Variants in SREBF2 observed in about 807,000 individuals in gnomAD.
The protein encoded by SREBF2 is sterol regulatory element-binding protein 2.
A neutral mutation model predicts 113.1 loss-of-function variants in SREBF2; 55 were observed. The observed-to-expected ratio is 0.49, with a 90% CI of 0.39 to 0.61. The LOEUF is 0.61. Among genes scored for constraint, SREBF2 ranks in the 20% least tolerant of loss-of-function variants. The pLI is 0.00. For missense variants in SREBF2, 1,349 were observed against 1,487.4 expected, an observed-to-expected ratio of 0.91 and a Z score of 1.53; for synonymous variants, 593 against 605.7, an observed-to-expected ratio of 0.98 and a Z score of 0.31.
At chr22:41,874,722 A>G (rs2077177843) in intron 5 of SREBF2, among the ~76,000 whole-genome samples, 1 of 152,196 alleles carries the variant, frequency 6.6e-6, no homozygotes, top group Non-Finnish European at 1.5e-5. Flanking sequence ...CCTGGCCAAC[A>G]TGGTGAAACC....
At position 41,833,476 on chromosome 22, in the gene SREBF2, C is replaced by T. The variant is rs549827330; in HGVS notation, c.88+118C>T. On this transcript the variant is annotated intron_variant, in intron 1 of 18. Transcript: ENST00000361204. This position sits in a 1 kb window ranked among gnomAD's most constrained non-coding sequence, Gnocchi z 4.1. ...GCCCCGGTTCGCGCGGGAAGAACCCCGTGCGCACGGTGCCCCCGGCGGTCC... is the reference window on the plus strand; with the variant it reads ...GCCCCGGTTCGCGCGGGAAGAACCCTGTGCGCACGGTGCCCCCGGCGGTCC... 7 of 844,358 alleles carry T rather than the reference C, an allele frequency of 8.3e-6. No homozygotes were observed. In the East Asian group the frequency reaches 9.5e-5, roughly 11 times the overall value. The allele number at this position is 844,358 out of a possible 1,614,324, so 52.3% of individuals were successfully genotyped here.
chr22:41,852,086 A>C (rs556833081), intron 1 of SREBF2, among the ~76,000 whole-genome samples: 1 of 151,968 alleles, frequency 6.6e-6, no homozygotes, highest in Non-Finnish European at 1.5e-5. Flanking sequence ...GTGCCACTGC[A>C]CTCCAGCCTG....
At chr22:41,837,720 T>C (rs2076791129) in intron 1 of SREBF2, among the ~76,000 whole-genome samples, 2 of 150,824 alleles carry the variant, frequency 1.3e-5, no homozygotes, top group Admixed American at 1.3e-4. Flanking sequence ...TAGCCGGGCG[T>C]CGTGGCACAT....
intron 11 of SREBF2, chr22:41,885,652 TCA>T: frequency 2.5e-5 from 4 of 161,368 alleles, no homozygotes; most frequent in South Asian, 1.7e-4. Context: ...GTCCTTGTTA[TCA>T]GCTAGCTCAC....
rs1222927998 is a variant in SREBF2 at position 41,878,780 on chromosome 22, C to T, written c.1761+657C>T. Reference sequence around the variant, plus strand: ...AGCAGTGAGCCATGGGCCTGCCCTCCCCACCTCTGCAAGCTGCAGGGCCAT... The same window carrying T: ...AGCAGTGAGCCATGGGCCTGCCCTCTCCACCTCTGCAAGCTGCAGGGCCAT... On this transcript the variant is annotated intron_variant, in intron 9 of 18. Transcript: ENST00000361204. The T allele has an allele frequency of 3.1e-6, 4 of 1,284,132 alleles. No homozygotes were observed. In the East Asian group the frequency reaches 2.2e-4, roughly 72 times the overall value. 79.5% of individuals were successfully genotyped at this position (1,284,132 alleles called of 1,614,324 possible).
rs948553145 is a variant in SREBF2 at position 41,893,364 on chromosome 22, C to G, written c.2377+79C>G. 16 of 1,452,256 alleles carry G rather than the reference C, an allele frequency of 1.1e-5. No individual in the cohort carries two copies. The African/African-American group carries it at 2.2e-4, about 20-fold the overall frequency. The allele number at this position is 1,452,256 out of a possible 1,614,324, so 90.0% of individuals were successfully genotyped here. ...TACTACAGAGTCACTGCACCAGACA[C>G]GCGGAGACACGGGTTGTCTCTTAAT... On this transcript the variant is annotated intron_variant, in intron 12 of 18. Transcript: ENST00000361204.
chr22:41,906,140 T>A lies in SREBF2; in HGVS notation c.*480T>A, dbSNP rs2077506905. On this transcript the variant is annotated 3_prime_UTR_variant, in exon 19 of 19. Transcript: ENST00000361204. ...ACCAGTGTGCTTGGGTTTGCCATGATGCGAGGCTGAGTTGCTGTAGCGTCT... is the reference window on the plus strand; with the variant it reads ...ACCAGTGTGCTTGGGTTTGCCATGAAGCGAGGCTGAGTTGCTGTAGCGTCT... 1 of 384,662 alleles carries A rather than the reference T, an allele frequency of 2.6e-6. No individual in the cohort carries two copies. The highest frequency in any genetic ancestry group is 2.1e-5 in the African/African-American group (1 of 47,778). 23.8% of individuals were successfully genotyped at this position (384,662 alleles called of 1,614,324 possible). A position where few individuals can be genotyped will look rare whatever the true frequency, so the allele number is the denominator to read the frequency against.
At chr22:41,848,812 A>G (rs2076901673) in intron 1 of SREBF2, among the ~76,000 whole-genome samples, 3 of 152,146 alleles carry the variant, frequency 2.0e-5, no homozygotes, top group Admixed American at 2.0e-4. Context: ...AACCACCACC[A>G]AGACCGCTTT....
At chr22:41,899,810 C>T (rs1184812440) in intron 15 of SREBF2, among the ~76,000 whole-genome samples, 1 of 152,182 alleles carries the variant, frequency 6.6e-6, no homozygotes, top group African/African-American at 2.4e-5. Context: ...GGCACTGCTG[C>T]CTGCTGGATT....
At chr22:41,905,302 T>G in intron 18 of SREBF2, 138 bp from the exon 19 acceptor site, 4 of 882,236 alleles carry the variant, frequency 4.5e-6, no homozygotes, top group Non-Finnish European at 7.1e-6. Context: ...TCACTTCTTT[T>G]CCGTGGATTG....
Position 41,877,929 on chromosome 22 carries a change from C to T in SREBF2, c.1580-13C>T, listed in dbSNP as rs9611685. On this transcript the variant is annotated splice_polypyrimidine_tract_variant and intron_variant, in intron 8 of 18. Transcript: ENST00000361204. ...CCTTTCCTAGCAGACTCTGCTGAGACGCTCCTTCTTAGGTTCTGGGGGCTG... is the reference window on the plus strand; with the variant it reads ...CCTTTCCTAGCAGACTCTGCTGAGATGCTCCTTCTTAGGTTCTGGGGGCTG... The T allele has an allele frequency of 0.012, 19,174 of 1,614,124 alleles. 144 individuals are homozygous for T. The highest frequency in any genetic ancestry group is 0.017 in the South Asian group (1,514 of 91,076).
chr22:41,889,848 A>G (rs1484883935), intron 11 of SREBF2, among the ~76,000 whole-genome samples: 1 of 152,062 alleles, frequency 6.6e-6, no homozygotes, highest in Non-Finnish European at 1.5e-5. Context: ...TAAAAATACA[A>G]AAATTAGCCA....
intron 1 of SREBF2, among the ~76,000 whole-genome samples, chr22:41,850,503 C>T (rs116379440): frequency 0.014 from 2,114 of 152,068 alleles, 48 homozygotes; most frequent in African/African-American, 0.048. Context: ...CCACACAGCC[C>T]CAAATCTCCT....
intron 13 of SREBF2, among the ~76,000 whole-genome samples, chr22:41,895,778 T>C (rs529781198): frequency 2.7e-4 from 41 of 152,192 alleles, no homozygotes; most frequent in Admixed American, 1.1e-3. Context: ...GCGGAGTCAG[T>C]ACTTGGACCA....
chr22:41,846,000 A>T (rs2076873653), intron 1 of SREBF2, among the ~76,000 whole-genome samples: 1 of 152,214 alleles, frequency 6.6e-6, no homozygotes, highest in Admixed American at 6.5e-5. Flanking sequence ...AGGAGAGAGC[A>T]GCTGTGTTCC....
At chr22:41,895,106 ACT>A (rs1298179732) in intron 13 of SREBF2, among the ~76,000 whole-genome samples, 169 bp downstream of exon 13, 1 of 149,266 alleles carries the variant, frequency 6.7e-6, no homozygotes, top group Admixed American at 6.7e-5. Flanking sequence ...CCCTATGTTA[ACT>A]CTGACCTGGC....
intron 14 of SREBF2, among the ~76,000 whole-genome samples, chr22:41,897,407 A>G (rs571727291): frequency 1.3e-5 from 2 of 152,258 alleles, no homozygotes; most frequent in South Asian, 4.1e-4. Context: ...TAGCTGTGTG[A>G]CCCAGGTGAG....
intron 1 of SREBF2, among the ~76,000 whole-genome samples, chr22:41,836,573 C>T (rs2006638): frequency 0.13 from 19,945 of 152,192 alleles, 1,811 homozygotes; most frequent in Admixed American, 0.32. Context: ...CTCCTTGAGG[C>T]AGAGACCTTC....
intron 14 of SREBF2, among the ~76,000 whole-genome samples, chr22:41,897,368 A>G (rs1356806104): frequency 6.6e-6 from 1 of 152,178 alleles, no homozygotes. Context: ...AAGTAGGGCA[A>G]TGAGTAATTG....
Sources: gnomAD v4.1 joint callset for allele counts (sites outside exome capture counted in the v4.1 genomes callset) on GRCh38, gnomAD v4.1.1 for gene constraint, Gnocchi (gnomAD v3.1) non-coding constraint, MANE v1.5 for transcripts, NCBI Gene and HGNC (gene_info 2026-07-23, HGNC 2026-07-21) for gene names.